Variants in ZXDC observed in about 807,000 individuals in gnomAD.
The protein encoded by ZXDC is zinc finger protein ZXDC.
ZXDC carries 58 observed loss-of-function variants against 63.6 expected under a neutral mutation model. That is an observed-to-expected ratio of 0.91 (90% CI 0.74 to 1.13). The LOEUF (loss-of-function observed/expected upper bound fraction) is 1.13. ZXDC is among the 50% of genes most tolerant of loss of function. The pLI is 0.00. For missense variants in ZXDC, 1,133 were observed against 1,148.9 expected (o/e 0.99, Z 0.20); for synonymous variants, 561 against 496.1 (o/e 1.13, Z -1.74).
chr3:126,453,465 TTTGGCTACATCCC>T, intron 7 of ZXDC: 1 of 985,476 alleles, frequency 1.0e-6, no homozygotes, highest in South Asian at 4.7e-5. Flanking sequence ...TGCATTTAGT[TTTGGCTACATCCC>T]TTGTGTTCCA....
intron 1 of ZXDC, among the ~76,000 whole-genome samples, chr3:126,473,392 G>A (rs1343272762): frequency 6.6e-6 from 1 of 152,086 alleles, no homozygotes; most frequent in East Asian, 1.9e-4. Flanking sequence ...ATGCTTCCCT[G>A]GTCCTGCTCC....
intron 7 of ZXDC, chr3:126,451,886 A>C (rs1246686271): frequency 1.0e-6 from 1 of 985,134 alleles, no homozygotes; most frequent in African/African-American, 1.7e-5. Context: ...TCCACCTCAT[A>C]GGGTTTTTGT....
At chr3:126,463,107 C>T (rs144841444) in intron 5 of ZXDC, among the ~76,000 whole-genome samples, 4,401 of 151,726 alleles carry the variant, frequency 0.029, 228 homozygotes, top group African/African-American at 0.1. Context: ...CTCGCTCTGT[C>T]GCCCAGGCTG....
In ZXDC at chr3:126,441,823, G is replaced by C. The variant is rs746944914; in HGVS notation, c.2336C>G (p.Pro779Arg). ...LVVPSGGRPG[P>R]APAAGVQCGA... ...GCACTGCACCCCAGCTGCTGGAGCT[G>C]GTCCTGGCCGTCCTCCGCTGGGCAC... The change falls in exon 8 of 10, where the codon CCA (proline) becomes CGA (arginine). Residue 779 changes from proline (P) to arginine (R), a missense_variant. Physicochemically the swap from Pro to Arg is moderately radical, Grantham distance 103. Coordinates refer to ENST00000389709, the MANE Select transcript of ZXDC (RefSeq NM_025112.5). 1 of 1,613,682 alleles carries C rather than the reference G, an allele frequency of 6.2e-7. No individual in the cohort carries two copies. The highest frequency in any genetic ancestry group is 8.5e-7 in the Non-Finnish European group (1 of 1,179,892).
At chr3:126,457,863 CA>C (rs1934367944) in intron 7 of ZXDC, among the ~76,000 whole-genome samples, 1 of 152,144 alleles carries the variant, frequency 6.6e-6, no homozygotes, top group Non-Finnish European at 1.5e-5. Context: ...ACCAACCAAC[CA>C]GATCTAACCA....
chr3:126,454,242 T>A (rs905015950), intron 7 of ZXDC: 17 of 984,822 alleles, frequency 1.7e-5, no homozygotes, highest in African/African-American at 3.5e-5. Context: ...AATGAACTAA[T>A]CACTTTCAAA....
intron 7 of ZXDC, among the ~76,000 whole-genome samples, chr3:126,456,588 T>C (rs1283459638): frequency 3.3e-5 from 5 of 152,234 alleles, no homozygotes; most frequent in African/African-American, 1.2e-4. Context: ...GGGCCCTGCC[T>C]TGCCTGGGCC....
chr3:126,447,799 G>A (rs1933938537), intron 7 of ZXDC, among the ~76,000 whole-genome samples: 1 of 152,214 alleles, frequency 6.6e-6, no homozygotes, highest in Admixed American at 6.5e-5. Context: ...CATTTGCTGT[G>A]GCAAATCATG....
At chr3:126,453,032 T>C (rs543646738) in intron 7 of ZXDC, 10 of 985,434 alleles carry the variant, frequency 1.0e-5, no homozygotes, top group African/African-American at 3.5e-5. Context: ...TTCTGAGAGA[T>C]ACCCTTGTCA....
intron 7 of ZXDC, among the ~76,000 whole-genome samples, chr3:126,448,717 C>G (rs1443296067): frequency 6.6e-6 from 1 of 152,232 alleles, no homozygotes; most frequent in Middle Eastern, 3.2e-3. Context: ...AGAACTACAG[C>G]AGGGGCCACC....
chr3:126,440,376 A>G (rs946199792), intron 8 of ZXDC: 7 of 985,684 alleles, frequency 7.1e-6, no homozygotes, highest in Non-Finnish European at 8.4e-6. Context: ...GGTCTGCACT[A>G]CTGTTCCCAT....
intron 7 of ZXDC, among the ~76,000 whole-genome samples, chr3:126,447,987 G>GCTGCCC (rs900196081): frequency 6.6e-6 from 1 of 152,130 alleles, no homozygotes; most frequent in Non-Finnish European, 1.5e-5. Context: ...CAATCCTGCC[G>GCTGCCC]CTGCCCCTGC....
In ZXDC at chr3:126,475,355, TGGGGCCGGA is replaced by T. The variant is rs1935156094; in HGVS notation, c.502_510del (p.Gly169_Ser171del). The T allele has an allele frequency of 6.7e-7, 1 of 1,501,250 alleles. No homozygotes were observed. Among genetic ancestry groups the T allele is most frequent in the South Asian group, 1.3e-5 (1 of 76,070 alleles). 93.0% of individuals were successfully genotyped at this position (1,501,250 alleles called of 1,614,324 possible). A position where few individuals can be genotyped will look rare whatever the true frequency, so the allele number is the denominator to read the frequency against. On this transcript the variant is annotated inframe_deletion, in exon 1 of 10. Coordinates refer to ENST00000389709, the MANE Select transcript of ZXDC (RefSeq NM_025112.5). ...TCGGGGCAGCGGTAGCCGGGCGTGC[TGGGGCCGGA>T]GGCCTGGGGCGCGCGGCGGGGAGCG...
chr3:126,443,554 A>G (rs1207257424), intron 7 of ZXDC: 1 of 152,268 alleles, frequency 6.6e-6, no homozygotes, highest in Non-Finnish European at 1.5e-5. Context: ...GCTGTTGGAA[A>G]AATGGTGCCA....
chr3:126,458,245 T>C (rs1313929359), intron 7 of ZXDC, among the ~76,000 whole-genome samples: 1 of 151,562 alleles, frequency 6.6e-6, no homozygotes, highest in Admixed American at 6.6e-5. Context: ...TACTTTTTTT[T>C]TTTTTTTTTG....
intron 5 of ZXDC, among the ~76,000 whole-genome samples, chr3:126,464,848 C>T (rs1406726058): frequency 1.3e-5 from 2 of 152,174 alleles, no homozygotes; most frequent in African/African-American, 4.8e-5. Flanking sequence ...CAAGACACTA[C>T]TAAAGCCAGA....
chr3:126,459,783 G>C, intron 6 of ZXDC, 46 bp from the exon 7 acceptor site: 1 of 1,613,998 alleles, frequency 6.2e-7, no homozygotes, highest in Non-Finnish European at 8.5e-7. Flanking sequence ...AGACACAAAG[G>C]AAGGGTAGCA....
intron 7 of ZXDC, chr3:126,452,093 C>T (rs1934126622): frequency 1.0e-6 from 1 of 985,374 alleles, no homozygotes. Context: ...CCATCTTTTC[C>T]ACACGCAAAG....
intron 7 of ZXDC, chr3:126,453,971 G>GTA (rs147848734): frequency 0.043 from 39,945 of 933,592 alleles, 689 homozygotes; most frequent in Middle Eastern, 0.05. Flanking sequence ...GCCTATACAT[G>GTA]TATATATATA....
Sources: gnomAD v4.1 joint callset for allele counts (sites outside exome capture counted in the v4.1 genomes callset) on GRCh38, gnomAD v4.1.1 for gene constraint, MANE v1.5 for transcripts, NCBI Gene and HGNC (gene_info 2026-07-23, HGNC 2026-07-21) for gene names.